The following CDH13 variants were observed in gnomAD, a reference collection of about 807,000 sequenced individuals.
The protein encoded by CDH13 is cadherin-13.
In CDH13, 24 loss-of-function variants were observed where a neutral mutation model predicts 63.8. The ratio of observed to expected loss-of-function variants is 0.38; its 90% CI spans 0.27 to 0.53. The LOEUF (loss-of-function observed/expected upper bound fraction) is 0.53. Among genes scored for constraint, CDH13 ranks in the 20% least tolerant of loss-of-function variants. The pLI, the probability that CDH13 is intolerant of heterozygous loss-of-function variation, is 0.85. For missense variants in CDH13, 1,049 were observed against 903.1 expected, an observed-to-expected ratio of 1.16 and a Z score of -2.07; for synonymous variants, 503 against 355.3, an observed-to-expected ratio of 1.42 and a Z score of -4.67.
At chr16:82,782,168 A>G (rs2035784067) in intron 1 of CDH13, among the ~76,000 whole-genome samples, 1 of 152,194 alleles carries the variant, frequency 6.6e-6, no homozygotes, top group Non-Finnish European at 1.5e-5. Context: ...TGGTATTATT[A>G]GGGCACCAGG....
At chr16:82,691,534 C>T (rs773961314) in intron 1 of CDH13, among the ~76,000 whole-genome samples, 9 of 152,170 alleles carry the variant, frequency 5.9e-5, no homozygotes, top group Non-Finnish European at 8.8e-5. Flanking sequence ...GACATTTTCT[C>T]CTTCTCTGTC....
At chr16:83,785,181 T>A (rs138555231) in intron 13 of CDH13, among the ~76,000 whole-genome samples, 110 of 152,320 alleles carry the variant, frequency 7.2e-4, no homozygotes, top group African/African-American at 2.5e-3. Flanking sequence ...CGGGCTACTA[T>A]AACAAAATAC....
intron 2 of CDH13, among the ~76,000 whole-genome samples, chr16:82,893,183 G>C (rs1485793422): frequency 1.3e-5 from 2 of 152,144 alleles, no homozygotes; most frequent in African/African-American, 2.4e-5. Flanking sequence ...AAAATTACTA[G>C]AGCCAATTAG....
intron 4 of CDH13, among the ~76,000 whole-genome samples, chr16:83,142,891 T>C (rs1011797172): frequency 3.3e-5 from 5 of 152,052 alleles, no homozygotes; most frequent in African/African-American, 1.2e-4. Context: ...TCACCTGAGG[T>C]TGGGAGTTCA....
intron 10 of CDH13, among the ~76,000 whole-genome samples, chr16:83,723,804 T>C (rs983548354): frequency 6.6e-6 from 1 of 151,572 alleles, no homozygotes; most frequent in Non-Finnish European, 1.5e-5. Context: ...GTCTGACATA[T>C]AATAGCTACA....
intron 3 of CDH13, among the ~76,000 whole-genome samples, chr16:83,035,895 C>A (rs542423905): frequency 6.6e-6 from 1 of 152,164 alleles, no homozygotes; most frequent in Non-Finnish European, 1.5e-5. Flanking sequence ...GATGCTACAG[C>A]AATGACCAAC....
At chr16:83,342,172 A>G (rs2090740009) in intron 5 of CDH13, among the ~76,000 whole-genome samples, 1 of 152,210 alleles carries the variant, frequency 6.6e-6, no homozygotes, top group Non-Finnish European at 1.5e-5. Flanking sequence ...TCATTTTAAT[A>G]AATGTAAATT....
chr16:83,485,631 C>T (rs1598129781), intron 6 of CDH13, among the ~76,000 whole-genome samples: 1 of 152,108 alleles, frequency 6.6e-6, no homozygotes, highest in Non-Finnish European at 1.5e-5. Context: ...TCTTACGGGT[C>T]CTCATCAGAC....
intron 1 of CDH13, among the ~76,000 whole-genome samples, chr16:82,638,845 TGCAC>T (rs1338970149): frequency 7.1e-6 from 1 of 141,422 alleles, no homozygotes; most frequent in African/African-American, 2.8e-5. Context: ...TTTGTGTGCA[TGCAC>T]GCACCAGTGC....
At chr16:83,419,725 A>T (rs2071659214) in intron 6 of CDH13, among the ~76,000 whole-genome samples, 1 of 152,226 alleles carries the variant, frequency 6.6e-6, no homozygotes, top group African/African-American at 2.4e-5. Context: ...CATTCCCATA[A>T]GTGTACTGGC....
intron 5 of CDH13, among the ~76,000 whole-genome samples, chr16:83,279,644 A>C (rs1050945762): frequency 6.6e-6 from 1 of 152,206 alleles, no homozygotes; most frequent in Admixed American, 6.5e-5. Context: ...ACAATCGGCT[A>C]TACATCTGGG....
At chr16:83,264,159 A>C (rs1160928151) in intron 5 of CDH13, among the ~76,000 whole-genome samples, 23 of 152,232 alleles carry the variant, frequency 1.5e-4, no homozygotes, top group Admixed American at 1.2e-3. Context: ...CATAGGGTAT[A>C]AATTGCTGCT....
intron 5 of CDH13, among the ~76,000 whole-genome samples, chr16:83,317,352 A>G (rs1256111999): frequency 6.6e-6 from 1 of 152,248 alleles, no homozygotes; most frequent in Non-Finnish European, 1.5e-5. Context: ...AAGACTTTGA[A>G]TGTGGAACTT....
intron 1 of CDH13, among the ~76,000 whole-genome samples, chr16:82,680,647 G>T (rs1335218680): frequency 6.6e-6 from 1 of 152,144 alleles, no homozygotes; most frequent in Non-Finnish European, 1.5e-5. Flanking sequence ...ATGTTAGAAA[G>T]GCACACACAA....
chr16:82,877,456 C>T (rs373377787), intron 2 of CDH13, among the ~76,000 whole-genome samples: 6 of 152,156 alleles, frequency 3.9e-5, no homozygotes, highest in Admixed American at 2.0e-4. Flanking sequence ...TTAAGCACTA[C>T]GCCATGTTGA....
Position 83,032,157 on chromosome 16 carries a change from A to T in CDH13, c.305A>T (p.His102Leu). 5 of 1,613,750 alleles carry T rather than the reference A, an allele frequency of 3.1e-6. No homozygotes were observed. The highest frequency in any genetic ancestry group is 4.2e-6 in the Non-Finnish European group (5 of 1,179,782). ...KTLFVHARTPHAEDMAELVIV... is the reference protein window; with the variant it reads ...KTLFVHARTPLAEDMAELVIV... ...CTGTTCGTCCATGCACGGACCCCCC[A>T]TGCGGAAGATATGGCAGAACTCGTG... Residue 102 changes from histidine to leucine, a missense_variant, in exon 3 of 14, where the codon CAT (histidine) becomes CTT (leucine). His to Leu is a moderately conservative substitution (Grantham distance 99). Coordinates refer to ENST00000567109, the MANE Select transcript of CDH13 (RefSeq NM_001257.5).
At chr16:83,497,181 A>C (rs1274153192) in intron 7 of CDH13, among the ~76,000 whole-genome samples, 1 of 152,146 alleles carries the variant, frequency 6.6e-6, no homozygotes, top group East Asian at 1.9e-4. Context: ...AAAGGACTAT[A>C]AATCATGCTG....
chr16:83,203,601 G>T (rs976077543), intron 4 of CDH13, among the ~76,000 whole-genome samples: 1 of 148,574 alleles, frequency 6.7e-6, no homozygotes, highest in African/African-American at 2.5e-5. Context: ...GCAGGAGAAT[G>T]GTGTGAACCC....
intron 4 of CDH13, among the ~76,000 whole-genome samples, chr16:83,131,420 CAGTG>C (rs903573702): frequency 3.9e-5 from 6 of 152,130 alleles, no homozygotes; most frequent in Non-Finnish European, 1.5e-5. Context: ...GAGGAGCTGA[CAGTG>C]AGTGCTCTGG....
Sources: allele counts gnomAD v4.1 joint callset (sites outside exome capture counted in the v4.1 genomes callset), GRCh38; gene constraint gnomAD v4.1.1; transcripts MANE v1.5; gene names NCBI Gene and HGNC (gene_info 2026-07-23, HGNC 2026-07-21).